Variants in CAMK1D observed in about 807,000 individuals in gnomAD.
The protein encoded by CAMK1D is calcium/calmodulin-dependent protein kinase type 1D.
Under a neutral mutation model 47.7 loss-of-function variants are expected in CAMK1D, and 9 were observed. The ratio of observed to expected loss-of-function variants is 0.19; its 90% confidence interval spans 0.11 to 0.33. CAMK1D has a LOEUF of 0.33. Among genes scored for constraint, CAMK1D ranks in the 10% least tolerant of loss-of-function variants. The pLI, the probability that CAMK1D is intolerant of heterozygous loss-of-function variation, is 1.00. For missense variants in CAMK1D, 291 were observed against 488.7 expected (o/e 0.60, Z 3.81); for synonymous variants, 184 against 184.9 (o/e 0.99, Z 0.04).
In CAMK1D at chr10:12,694,258, A is replaced by AT. The variant is rs1273001583; in HGVS notation, c.299+27448_299+27449insT. 4.0e-5 allele frequency among the ~76,000 whole-genome samples: 3 copies of AT among 74,858 alleles called. 1 individual carries two copies. Among genetic ancestry groups the AT allele is most frequent in the East Asian group, 9.1e-4 (2 of 2,186 alleles). The allele number at this position is 74,858 out of a possible 152,430, so 49.1% of individuals were successfully genotyped here. A position where few individuals can be genotyped will look rare whatever the true frequency, so the allele number is the denominator to read the frequency against. On this transcript the variant is annotated intron_variant, in intron 3 of 10. Transcript: ENST00000619168. ...ATAATATATAATATATATTATGTAT[A>AT]ATATATAATATATATTATACATAAT...
intron 2 of CAMK1D, among the ~76,000 whole-genome samples, chr10:12,557,564 A>AAAAAAG (rs1836804050): frequency 1.3e-4 from 20 of 151,548 alleles, no homozygotes; most frequent in Non-Finnish European, 8.8e-5. Context: ...AAAAAAAAAA[A>AAAAAAG]AAAAAAGAAA....
chr10:12,409,485 C>T (rs1211428616), intron 1 of CAMK1D, among the ~76,000 whole-genome samples: 2 of 152,180 alleles, frequency 1.3e-5, no homozygotes, highest in African/African-American at 2.4e-5. Flanking sequence ...GCTCTTGCTA[C>T]GTGGCCCAGG....
At chr10:12,504,150 T>TGA (rs1412265190) in intron 1 of CAMK1D, among the ~76,000 whole-genome samples, 6 of 148,836 alleles carry the variant, frequency 4.0e-5, no homozygotes, top group Non-Finnish European at 8.9e-5. Flanking sequence ...TGTGTGTGTG[T>TGA]GATGTATGTA....
At chr10:12,773,580 G>A (rs1238619857) in intron 5 of CAMK1D, among the ~76,000 whole-genome samples, 1 of 152,206 alleles carries the variant, frequency 6.6e-6, no homozygotes, top group Non-Finnish European at 1.5e-5. Context: ...AGGGCCAAGT[G>A]TACAATGTTT....
chr10:12,761,923 C>G (rs1411850246), intron 4 of CAMK1D, among the ~76,000 whole-genome samples: 1 of 152,162 alleles, frequency 6.6e-6, no homozygotes, highest in Non-Finnish European at 1.5e-5. Flanking sequence ...CTTGCAGGTT[C>G]TTTTCTTACA....
chr10:12,552,594 G>A (rs1335010557), intron 1 of CAMK1D, among the ~76,000 whole-genome samples: 1 of 152,198 alleles, frequency 6.6e-6, no homozygotes, highest in African/African-American at 2.4e-5. Context: ...ACCTCTTGTG[G>A]GAGCGTTCTT....
chr10:12,713,441 A>G (rs570589723), intron 3 of CAMK1D, among the ~76,000 whole-genome samples: 1 of 152,158 alleles, frequency 6.6e-6, no homozygotes, highest in South Asian at 2.1e-4. Flanking sequence ...AGGGGTGCCC[A>G]TTGCTAACTG....
chr10:12,681,151 C>G (rs1406718587), intron 3 of CAMK1D, among the ~76,000 whole-genome samples: 1 of 152,230 alleles, frequency 6.6e-6, no homozygotes, highest in Non-Finnish European at 1.5e-5. Context: ...TTAAGCAGCA[C>G]AGCCCCACGG....
At chr10:12,527,528 T>TG (rs1166635788) in intron 1 of CAMK1D, among the ~76,000 whole-genome samples, 3 of 151,894 alleles carry the variant, frequency 2.0e-5, no homozygotes, top group South Asian at 2.1e-4. Flanking sequence ...CTAATTTTTT[T>TG]TTGTTGTTGT....
chr10:12,743,172 C>G (rs1391690752), intron 3 of CAMK1D, among the ~76,000 whole-genome samples: 1 of 151,802 alleles, frequency 6.6e-6, no homozygotes, highest in Admixed American at 6.6e-5. Flanking sequence ...CATGATGAAA[C>G]CCCATCCCTA....
chr10:12,504,559 C>T (rs757222102), intron 1 of CAMK1D, among the ~76,000 whole-genome samples: 4 of 152,286 alleles, frequency 2.6e-5, no homozygotes, highest in Admixed American at 6.5e-5. Context: ...GCAATTCAAA[C>T]GGTCATCTCT....
intron 1 of CAMK1D, among the ~76,000 whole-genome samples, chr10:12,420,708 C>T (rs768269801): frequency 1.3e-5 from 2 of 152,156 alleles, no homozygotes; most frequent in Non-Finnish European, 2.9e-5. Flanking sequence ...AAGTATATTA[C>T]ATCAGGGCCA....
chr10:12,767,678 G>A (rs374536536), intron 4 of CAMK1D, among the ~76,000 whole-genome samples: 41 of 152,282 alleles, frequency 2.7e-4, no homozygotes, highest in African/African-American at 9.9e-4. Context: ...ACTCAAAGCA[G>A]AGGCTTCCAG....
chr10:12,448,920 C>G (rs1401780376), intron 1 of CAMK1D, among the ~76,000 whole-genome samples: 1 of 150,664 alleles, frequency 6.6e-6, no homozygotes, highest in East Asian at 2.0e-4. Flanking sequence ...TCTCTGTGCC[C>G]TGGTTACTTC....
chr10:12,627,151 C>T (rs951083570), intron 2 of CAMK1D, among the ~76,000 whole-genome samples: 3 of 150,286 alleles, frequency 2.0e-5, no homozygotes, highest in East Asian at 2.0e-4. Context: ...GCTCGATCTC[C>T]GCTCACTGCA....
chr10:12,785,431 G>A (rs1157768274), intron 5 of CAMK1D, among the ~76,000 whole-genome samples: 2 of 152,188 alleles, frequency 1.3e-5, no homozygotes, highest in Non-Finnish European at 2.9e-5. Context: ...GAGCAGCAGG[G>A]AGTCCTTGTC....
intron 3 of CAMK1D, among the ~76,000 whole-genome samples, chr10:12,674,763 G>A (rs1041600613): frequency 2.6e-5 from 4 of 151,962 alleles, no homozygotes; most frequent in Non-Finnish European, 5.9e-5. Context: ...GTCAGGCGCG[G>A]TGGCTCACGC....
chr10:12,641,045 A>G (rs1389655965), intron 2 of CAMK1D, among the ~76,000 whole-genome samples: 12 of 151,580 alleles, frequency 7.9e-5, no homozygotes, highest in Non-Finnish European at 1.5e-5. Context: ...TGCAACCTCA[A>G]CCTCCCTTGA....
At chr10:12,529,956 G>A (rs370862132) in intron 1 of CAMK1D, among the ~76,000 whole-genome samples, 1 of 152,124 alleles carries the variant, frequency 6.6e-6, no homozygotes, top group Non-Finnish European at 1.5e-5. Flanking sequence ...GTAAGGCTTT[G>A]GAAATGGAAA....
Sources: allele counts gnomAD v4.1 joint callset (sites outside exome capture counted in the v4.1 genomes callset), GRCh38; gene constraint gnomAD v4.1.1; transcripts MANE v1.5; gene names NCBI Gene and HGNC (gene_info 2026-07-23, HGNC 2026-07-21).